The following PDE1C variants were observed in gnomAD, a reference collection of about 807,000 sequenced individuals.
PDE1C encodes dual specificity calcium/calmodulin-dependent 3',5'-cyclic nucleotide phosphodiesterase 1C.
Under a neutral mutation model 93.1 loss-of-function variants are expected in PDE1C, and 62 were observed. That is an observed-to-expected ratio of 0.67 (90% CI 0.54 to 0.82). PDE1C has a LOEUF of 0.82. PDE1C is among the 40% of genes least tolerant of loss of function. The probability of loss-of-function intolerance (pLI) is 0.00; values close to 1 mark genes in which losing one functional copy is unlikely to be tolerated. For missense variants in PDE1C, 742 were observed against 884.6 expected (o/e 0.84, Z 2.04); for synonymous variants, 325 against 310.1 (o/e 1.05, Z -0.50).
At chr7:31,845,201 T>C (rs911963568) in intron 9 of PDE1C, among the ~76,000 whole-genome samples, 4 of 152,106 alleles carry the variant, frequency 2.6e-5, no homozygotes, top group African/African-American at 7.2e-5. Flanking sequence ...ATAGAAATAA[T>C]AGTTGTTTTA....
intron 9 of PDE1C, among the ~76,000 whole-genome samples, chr7:31,841,209 G>GTCTCTCTGTC (rs1554361933): frequency 3.6e-5 from 5 of 140,176 alleles, no homozygotes; most frequent in Non-Finnish European, 7.6e-5. Flanking sequence ...CCCTCTCTCT[G>GTCTCTCTGTC]TCTCTCTCTC....
chr7:31,823,609 T>C (rs1054744122), intron 13 of PDE1C, among the ~76,000 whole-genome samples: 14 of 152,230 alleles, frequency 9.2e-5, no homozygotes, highest in African/African-American at 3.4e-4. Flanking sequence ...ACAGTTCACC[T>C]ACCTGCTTCC....
At chr7:32,076,236 C>A (rs6462323), upstream of PDE1C, among the ~76,000 whole-genome samples, 10,904 of 152,032 alleles carry the variant, frequency 0.072, 430 homozygotes, top group African/African-American at 0.084. Flanking sequence ...TGATGTGGCC[C>A]CTAGGAAAGA....
At chr7:32,221,312 T>C (rs773289343) in intron 1 of PDE1C, among the ~76,000 whole-genome samples, 2 of 152,170 alleles carry the variant, frequency 1.3e-5, no homozygotes, top group African/African-American at 4.8e-5. Flanking sequence ...CAAATTTCCA[T>C]CTCCCTCCAT....
At chr7:31,621,003 A>G in the PDE1C span, among the ~76,000 whole-genome samples, 2 of 152,030 alleles carry the variant, frequency 1.3e-5, no homozygotes, top group African/African-American at 2.4e-5. Context: ...AAGAAAGGGT[A>G]TCAGTGATGG....
chr7:32,313,105 A>T (rs1430662035), intron 1 of PDE1C, among the ~76,000 whole-genome samples: 2 of 151,990 alleles, frequency 1.3e-5, no homozygotes, highest in Admixed American at 6.5e-5. Flanking sequence ...ATATGAATAG[A>T]CACTCCTCAA....
chr7:32,005,169 T>C (rs573860370), intron 2 of PDE1C, among the ~76,000 whole-genome samples: 57 of 152,272 alleles, frequency 3.7e-4, no homozygotes, highest in Non-Finnish European at 7.2e-4. Context: ...TCAAAACCCC[T>C]GGCCATGAAC....
intron 1 of PDE1C, among the ~76,000 whole-genome samples, chr7:32,324,552 C>A (rs577755340): frequency 1.2e-4 from 18 of 152,216 alleles, no homozygotes; most frequent in Middle Eastern, 3.4e-3. Context: ...ACTAAAAGTT[C>A]TACTAAAAAA....
chr7:32,090,791 C>T (rs544871653), intron 3 of PDE1C, among the ~76,000 whole-genome samples: 1 of 152,334 alleles, frequency 6.6e-6, no homozygotes, highest in South Asian at 2.1e-4. Flanking sequence ...CTTGGACCCT[C>T]CTGGAGACCA....
chr7:32,348,515 C>G (rs1341606064), intron 1 of PDE1C, among the ~76,000 whole-genome samples: 2 of 151,956 alleles, frequency 1.3e-5, no homozygotes, highest in Non-Finnish European at 2.9e-5. Flanking sequence ...CAGGCACCTG[C>G]CACCATGCCT....
chr7:32,267,713 T>A (rs1810706339), intron 1 of PDE1C, among the ~76,000 whole-genome samples: 1 of 151,122 alleles, frequency 6.6e-6, no homozygotes, highest in African/African-American at 2.4e-5. Context: ...GCATGGAACA[T>A]CACAATGAGA....
intron 2 of PDE1C, among the ~76,000 whole-genome samples, chr7:31,998,165 G>A (rs1170227447): frequency 1.3e-5 from 2 of 151,938 alleles, no homozygotes; most frequent in Non-Finnish European, 2.9e-5. Context: ...GACTACAGGT[G>A]CCTGCCACTA....
At chr7:31,840,651 T>C (rs1261792164) in intron 9 of PDE1C, among the ~76,000 whole-genome samples, 1 of 152,204 alleles carries the variant, frequency 6.6e-6, no homozygotes, top group Admixed American at 6.5e-5. Flanking sequence ...GTCAAAGTTA[T>C]CTTTTCCCAT....
intron 1 of PDE1C, among the ~76,000 whole-genome samples, chr7:32,370,077 A>C (rs1182946291): frequency 6.6e-6 from 1 of 152,250 alleles, no homozygotes; most frequent in Non-Finnish European, 1.5e-5. Flanking sequence ...ACTTGGAACC[A>C]ACCCAAATGT....
intron 3 of PDE1C, among the ~76,000 whole-genome samples, chr7:32,157,959 C>A (rs947310936): frequency 1.3e-5 from 2 of 152,242 alleles, no homozygotes; most frequent in Admixed American, 6.5e-5. Flanking sequence ...TACACTACAG[C>A]CAGATTGAGT....
At chr7:31,935,992 A>G (rs1805001706) in intron 2 of PDE1C, among the ~76,000 whole-genome samples, 1 of 152,136 alleles carries the variant, frequency 6.6e-6, no homozygotes, top group South Asian at 2.1e-4. Flanking sequence ...CCCACAGGGG[A>G]ACATAGGAGG....
Position 31,751,472 on chromosome 7 carries a change from CATT to C in PDE1C, c.*1909_*1911del. On this transcript the variant is annotated 3_prime_UTR_variant, in exon 18 of 18. Coordinates refer to ENST00000396191, the MANE Select transcript of PDE1C (RefSeq NM_001191057.4). ...AAGGTATTGACAGATAGGTAGGGAA[CATT>C]ATTTGAGGAGGCTACTACTCCCATG... is the stretch of plus-strand genomic sequence containing the variant. The C allele has an allele frequency of 6.6e-6, 1 of 152,204 alleles. No individual in the cohort carries two copies. Among genetic ancestry groups the C allele is most frequent in the Non-Finnish European group, 1.5e-5 (1 of 68,010 alleles). 9.4% of individuals were successfully genotyped at this position (152,204 alleles called of 1,614,324 possible).
intron 2 of PDE1C, among the ~76,000 whole-genome samples, chr7:32,200,309 G>T (rs914302414): frequency 1.3e-5 from 2 of 152,140 alleles, no homozygotes; most frequent in African/African-American, 4.8e-5. Context: ...TATTTCAAAA[G>T]ATTTTTCATT....
chr7:31,621,940 G>T, the PDE1C span, among the ~76,000 whole-genome samples: 15 of 149,452 alleles, frequency 1.0e-4, no homozygotes, highest in African/African-American at 3.7e-4. Context: ...ACAAAAAAAG[G>T]CAGGGGTTGC....
Sources: allele counts gnomAD v4.1 joint callset (sites outside exome capture counted in the v4.1 genomes callset), GRCh38; gene constraint gnomAD v4.1.1; transcripts MANE v1.5; gene names NCBI Gene and HGNC (gene_info 2026-07-23, HGNC 2026-07-21).